Variants in POLR3GL observed in about 807,000 individuals in gnomAD.
POLR3GL encodes DNA-directed RNA polymerase III subunit RPC7-like.
Under a neutral mutation model 32.4 loss-of-function variants are expected in POLR3GL, and 26 were observed. The ratio of observed to expected loss-of-function variants is 0.80; its 90% CI spans 0.59 to 1.11. The LOEUF is 1.11. Among genes scored for constraint, POLR3GL ranks in the 50% most tolerant of loss-of-function variants. The pLI, the probability that POLR3GL is intolerant of heterozygous loss-of-function variation, is 0.00. For missense variants in POLR3GL, 229 were observed against 280.1 expected, an observed-to-expected ratio of 0.82 and a Z score of 1.30; for synonymous variants, 95 against 98.7, an observed-to-expected ratio of 0.96 and a Z score of 0.22.
chr1:145,969,529 TG>T (rs1213414536), intron 1 of POLR3GL, among the ~76,000 whole-genome samples: 2 of 151,728 alleles, frequency 1.3e-5, no homozygotes, highest in Non-Finnish European at 2.9e-5. Context: ...CCCAAAGTGT[TG>T]GGATTACAGG....
At position 145,970,830 on chromosome 1, in the gene POLR3GL, C is replaced by A. The variant is rs587612985; in HGVS notation, c.-41-3995C>A. Among the ~76,000 whole-genome samples the A allele has an allele frequency of 3.0e-5, 4 of 135,558 alleles. No individual in the cohort carries two copies. The South Asian group carries it at 1.0e-3, about 34-fold the overall frequency. 88.9% of individuals were successfully genotyped at this position (135,558 alleles called of 152,430 possible). ...GGCGGAGGTTGCAGTGAGCCGAGAT[C>A]GCGCCATTGCACTCCAGCCGGGCAA... is the stretch of plus-strand genomic sequence containing the variant. On this transcript the variant is annotated intron_variant, in intron 1 of 7. Transcript: ENST00000369314.
chr1:145,975,174 T>C (rs1650496174), intron 2 of POLR3GL, 133 bp from the exon 3 acceptor site: 6 of 1,346,082 alleles, frequency 4.5e-6, no homozygotes, highest in Non-Finnish European at 6.1e-6. Flanking sequence ...GCTTTCAAAA[T>C]AATATGTTAC....
In POLR3GL at chr1:145,978,482, A is replaced by T. The variant is rs1192155475; in HGVS notation, c.*35A>T. 7.8e-7 allele frequency: 1 copy of T among 1,283,072 alleles called. No homozygotes were observed. The highest frequency in any genetic ancestry group is 1.5e-5 in the African/African-American group (1 of 67,650). The allele number at this position is 1,283,072 out of a possible 1,614,324, so 79.5% of individuals were successfully genotyped here. ...CTGGACCCTCGTGTCTTTCTTTAGG[A>T]TACAGAGAGTAACTGTACCTATTAT... On this transcript the variant is annotated 3_prime_UTR_variant, in exon 8 of 8. Transcript: ENST00000369314.
Position 145,978,516 on chromosome 1 carries a change from T to A in POLR3GL, c.*69T>A. 1 of 1,007,208 alleles carries A rather than the reference T, an allele frequency of 9.9e-7. No individual in the cohort carries two copies. The highest frequency in any genetic ancestry group is 1.6e-5 in the African/African-American group (1 of 62,014). 62.4% of individuals were successfully genotyped at this position (1,007,208 alleles called of 1,614,324 possible). The stretch of plus-strand genomic sequence containing the variant: ...GTAACTGTACCTATTATTTGTTTCT[T>A]CAGACAAGCAAATCATTTGGTCAGA... On this transcript the variant is annotated 3_prime_UTR_variant, in exon 8 of 8. Transcript: ENST00000369314.
At chr1:145,978,192 G>GC in intron 7 of POLR3GL, 96 bp downstream of exon 7, 1 of 1,518,342 alleles carries the variant, frequency 6.6e-7, no homozygotes, top group Non-Finnish European at 8.9e-7. Context: ...CAGAGATAGT[G>GC]CCCCCCAGGG....
rs1233655071 is a variant in POLR3GL at position 145,977,408 on chromosome 1, C to CG, written c.326-75_326-74insG. The CG allele has an allele frequency of 7.7e-6, 11 of 1,430,718 alleles. No individual in the cohort carries two copies. The Admixed American group carries it at 1.2e-4, about 16-fold the overall frequency. 88.6% of individuals were successfully genotyped at this position (1,430,718 alleles called of 1,614,324 possible). A position where few individuals can be genotyped will look rare whatever the true frequency, so the allele number is the denominator to read the frequency against. ...TCCTCTCCTTTAAAACCCTCACCCC[C>CG]CTTTAAAACCAGTCAGTATTCACTG... On this transcript the variant is annotated intron_variant, in intron 4 of 7. Transcript: ENST00000369314.
intron 2 of POLR3GL, 54 bp downstream of exon 2, chr1:145,975,045 A>C (rs782393943): frequency 1.8e-5 from 27 of 1,496,536 alleles, no homozygotes; most frequent in Non-Finnish European, 2.3e-5. Context: ...CTGACTGTAC[A>C]TGATTCTGAA....
At chr1:145,969,179 G>C (rs975230918) in intron 1 of POLR3GL, among the ~76,000 whole-genome samples, 4 of 152,098 alleles carry the variant, frequency 2.6e-5, no homozygotes, top group Admixed American at 6.5e-5. Flanking sequence ...GCTCACTGCA[G>C]CCTCGACTGC....
Position 145,977,087 on chromosome 1 carries a change from T to C in POLR3GL, c.260T>C (p.Val87Ala). ...CTTTGACCCTTCCACCCCTCAGATG[T>C]GGAGCGTTATTCAGACAAATATCAG... Reference protein sequence around the residue: ...FIRPAVPKRDVERYSDKYQMS... With the variant: ...FIRPAVPKRDAERYSDKYQMS... Residue 87 changes from valine to alanine, a missense_variant, in exon 4 of 8, where the codon GTG (valine) becomes GCG (alanine). By Grantham distance (64) the Val-to-Ala change is moderately conservative. Coordinates refer to ENST00000369314, the MANE Select transcript of POLR3GL (RefSeq NM_032305.3). The C allele has an allele frequency of 6.2e-7, 1 of 1,613,832 alleles. No homozygotes were observed. The highest frequency in any genetic ancestry group is 2.2e-5 in the East Asian group (1 of 44,868).
chr1:145,969,150 GCA>G (rs1553762315), intron 1 of POLR3GL, among the ~76,000 whole-genome samples: 1 of 152,064 alleles, frequency 6.6e-6, no homozygotes, highest in East Asian at 1.9e-4. Flanking sequence ...CCAGACTGGT[GCA>G]CAGTGGTGTG....
intron 1 of POLR3GL, among the ~76,000 whole-genome samples, chr1:145,965,222 TAGA>T (rs1403710969): frequency 3.3e-5 from 5 of 152,218 alleles, no homozygotes; most frequent in African/African-American, 7.2e-5. Context: ...CCTTTTAGAA[TAGA>T]AGGTTTTGTA....
intron 1 of POLR3GL, among the ~76,000 whole-genome samples, chr1:145,971,457 C>T (rs1430997852): frequency 2.6e-5 from 4 of 152,058 alleles, no homozygotes; most frequent in African/African-American, 9.7e-5. Flanking sequence ...TGTAGGATGC[C>T]TTTCTGCTGG....
Position 145,977,840 on chromosome 1 carries a change from CAG to C in POLR3GL, c.447_448del (p.Lys150ThrfsTer17), listed in dbSNP as rs781817478. The C allele has an allele frequency of 1.9e-6, 3 of 1,613,854 alleles. No homozygotes were observed. The African/African-American group carries it at 4.0e-5, about 22-fold the overall frequency. ...KTTEDKEETI[Q>X]KLETLEKKEE... Reference sequence around the variant, plus strand: ...CACAGAAGATAAGGAGGAAACAATACAGAAACTAGAGGTGAGGAGGAAGTGTG... The same window carrying C: ...CACAGAAGATAAGGAGGAAACAATACAAACTAGAGGTGAGGAGGAAGTGTG... On this transcript the variant is annotated frameshift_variant, in exon 6 of 8. Coordinates refer to ENST00000369314, the MANE Select transcript of POLR3GL (RefSeq NM_032305.3). LOFTEE classifies it high-confidence loss of function.
intron 1 of POLR3GL, among the ~76,000 whole-genome samples, chr1:145,972,849 C>T (rs192874135): frequency 8.5e-5 from 13 of 152,114 alleles, no homozygotes; most frequent in African/African-American, 2.2e-4. Context: ...GGGTGCATGC[C>T]ACCATGCCTG....
At chr1:145,974,762 A>T (rs782239656) in intron 1 of POLR3GL, 63 bp from the exon 2 acceptor site, 67 of 1,122,710 alleles carry the variant, frequency 6.0e-5, no homozygotes, top group Non-Finnish European at 8.0e-5. Context: ...AATGTCTTGT[A>T]CCTCCTTGGC....
intron 1 of POLR3GL, among the ~76,000 whole-genome samples, chr1:145,972,841 G>T (rs1559255061): frequency 6.6e-6 from 1 of 152,028 alleles, no homozygotes; most frequent in Non-Finnish European, 1.5e-5. Flanking sequence ...GTGACCACGG[G>T]TGCATGCCAC....
chr1:145,974,703 A>G, intron 1 of POLR3GL, 122 bp from the exon 2 acceptor site: 2 of 626,484 alleles, frequency 3.2e-6, no homozygotes. Context: ...TTCTCAGTCA[A>G]AATTTGTTGA....
chr1:145,972,493 T>C (rs782417086), intron 1 of POLR3GL, among the ~76,000 whole-genome samples: 5 of 152,102 alleles, frequency 3.3e-5, no homozygotes, highest in Non-Finnish European at 7.4e-5. Context: ...TTCCCCCATA[T>C]AAATAAATTC....
intron 1 of POLR3GL, among the ~76,000 whole-genome samples, chr1:145,970,332 G>A (rs1008968574): frequency 2.0e-5 from 3 of 151,964 alleles, no homozygotes; most frequent in Non-Finnish European, 2.9e-5. Flanking sequence ...TTTTTGTAGA[G>A]ATGGAATCTC....
Sources: allele counts gnomAD v4.1 joint callset (sites outside exome capture counted in the v4.1 genomes callset), GRCh38; gene constraint gnomAD v4.1.1; transcripts MANE v1.5; gene names NCBI Gene and HGNC (gene_info 2026-07-23, HGNC 2026-07-21).